Variants in LYPD6 observed in about 807,000 individuals in gnomAD.
LYPD6 encodes the protein LY6/PLAUR domain containing 6.
Under a neutral mutation model 22.7 loss-of-function variants are expected in LYPD6, and 15 were observed. The ratio of observed to expected loss-of-function variants is 0.66; its 90% CI spans 0.44 to 1.02. The LOEUF is 1.02. Among genes scored for constraint, LYPD6 ranks in the 50% least tolerant of loss-of-function variants. The probability of loss-of-function intolerance (pLI) is 0.00; values close to 1 mark genes in which losing one functional copy is unlikely to be tolerated. For missense variants in LYPD6, 189 were observed against 208.4 expected (o/e 0.91, Z 0.57); for synonymous variants, 72 against 77.5 (o/e 0.93, Z 0.37).
rs376602030 is a variant in LYPD6, at chr2:149,434,378, A to G, written c.-71-3260A>G. 8.5e-5 allele frequency among the ~76,000 whole-genome samples: 13 copies of G among 152,316 alleles called. 1 individual carries two copies. The South Asian group carries it at 2.5e-3, about 29-fold the overall frequency. Reference sequence around the variant, plus strand: ...AATCCTCATCGATTTAAACTTTGCCATGAGTTTGCTTTACTGTGTACTTTA... The same window carrying G: ...AATCCTCATCGATTTAAACTTTGCCGTGAGTTTGCTTTACTGTGTACTTTA... On this transcript the variant is annotated intron_variant, in intron 1 of 4. Coordinates refer to ENST00000334166, the MANE Select transcript of LYPD6 (RefSeq NM_194317.5).
chr2:149,354,116 G>A (rs1681408410), intron 1 of LYPD6, among the ~76,000 whole-genome samples: 1 of 152,164 alleles, frequency 6.6e-6, no homozygotes, highest in African/African-American at 2.4e-5. Context: ...GGTTGTACTG[G>A]TGGATAAGGC....
chr2:149,339,782 G>A (rs974084276), intron 1 of LYPD6, among the ~76,000 whole-genome samples: 1 of 152,162 alleles, frequency 6.6e-6, no homozygotes, highest in Non-Finnish European at 1.5e-5. Flanking sequence ...CTCTGGACAA[G>A]AGGATGCAAA....
At chr2:149,464,036 T>A in intron 3 of LYPD6, 1 of 380,826 alleles carries the variant, frequency 2.6e-6, no homozygotes. Context: ...AGGTAAAAGG[T>A]GTAGAGGATC....
intron 1 of LYPD6, among the ~76,000 whole-genome samples, chr2:149,401,537 A>G (rs1226565799): frequency 1.3e-5 from 2 of 151,896 alleles, no homozygotes; most frequent in African/African-American, 2.4e-5. Context: ...CATTGATGGT[A>G]CTCTGTATCC....
chr2:149,384,356 A>C (rs1682132418), intron 1 of LYPD6, among the ~76,000 whole-genome samples: 1 of 152,236 alleles, frequency 6.6e-6, no homozygotes, highest in African/African-American at 2.4e-5. Context: ...TAGAAAACTC[A>C]AATGACATCT....
At chr2:149,467,194 C>T (rs1438671713) in intron 3 of LYPD6, among the ~76,000 whole-genome samples, 1 of 152,204 alleles carries the variant, frequency 6.6e-6, no homozygotes, top group Non-Finnish European at 1.5e-5. Context: ...TGACCTTACC[C>T]TACTCCCAAA....
At chr2:149,365,677 C>T (rs1434585659) in intron 1 of LYPD6, among the ~76,000 whole-genome samples, 1 of 151,804 alleles carries the variant, frequency 6.6e-6, no homozygotes, top group Admixed American at 6.6e-5. Context: ...TTACATTCTT[C>T]CTAATGAGAA....
intron 1 of LYPD6, among the ~76,000 whole-genome samples, chr2:149,381,270 G>T (rs183977336): frequency 2.0e-4 from 31 of 152,310 alleles, no homozygotes; most frequent in African/African-American, 6.7e-4. Context: ...CTTTAGAGGG[G>T]TGAAACAACA....
Position 149,471,016 on chromosome 2 carries a change from A to AGT in LYPD6, c.*166_*167insGT. 1.7e-6 allele frequency: 1 copy of AGT among 584,492 alleles called. No individual in the cohort carries two copies. 36.2% of individuals were successfully genotyped at this position (584,492 alleles called of 1,614,324 possible). A position where few individuals can be genotyped will look rare whatever the true frequency, so the allele number is the denominator to read the frequency against. On this transcript the variant is annotated 3_prime_UTR_variant, in exon 5 of 5. Coordinates refer to ENST00000334166, the MANE Select transcript of LYPD6 (RefSeq NM_194317.5). The stretch of plus-strand genomic sequence containing the variant: ...TACCATGAGGAATAAATGTTGCTTC[A>AGT]TTGTAGCCATTTTGAGTCTAACCGA...
intron 1 of LYPD6, among the ~76,000 whole-genome samples, chr2:149,335,098 A>C (rs1034773949): frequency 2.6e-5 from 4 of 152,184 alleles, no homozygotes; most frequent in Admixed American, 6.5e-5. Context: ...ATTTACTGTT[A>C]ATGCAATTTA....
At chr2:149,464,310 G>T in intron 3 of LYPD6, 1 of 304,290 alleles carries the variant, frequency 3.3e-6, no homozygotes, top group Non-Finnish European at 6.7e-6. Context: ...TTTGGATTGA[G>T]CCTTGAAGAA....
Position 149,404,733 on chromosome 2 carries a change from C to T in LYPD6, c.-71-32905C>T, listed in dbSNP as rs1272848601. On this transcript the variant is annotated intron_variant, in intron 1 of 4. Transcript: ENST00000334166. ...ATTTGAATACCCTTTATTTCCTTCT[C>T]CTGCCTAATTTCCCTGGCCAGAACT... Among the ~76,000 whole-genome samples the T allele has an allele frequency of 2.6e-5, 4 of 152,158 alleles. No individual in the cohort carries two copies. The East Asian group carries it at 7.7e-4, about 29-fold the overall frequency.
At chr2:149,341,499 G>A (rs1273901148) in intron 1 of LYPD6, among the ~76,000 whole-genome samples, 1 of 152,096 alleles carries the variant, frequency 6.6e-6, no homozygotes, top group Non-Finnish European at 1.5e-5. Flanking sequence ...GTTTTGCATA[G>A]AGTAAGCCCT....
At chr2:149,362,748 G>A (rs1366662203) in intron 1 of LYPD6, among the ~76,000 whole-genome samples, 2 of 152,006 alleles carry the variant, frequency 1.3e-5, no homozygotes, top group Non-Finnish European at 2.9e-5. Flanking sequence ...ATTTTCTTAG[G>A]AACGTACTCT....
chr2:149,465,592 A>T (rs1681182312), intron 3 of LYPD6, among the ~76,000 whole-genome samples: 1 of 152,222 alleles, frequency 6.6e-6, no homozygotes, highest in East Asian at 1.9e-4. Flanking sequence ...CTTTTATAAG[A>T]AAGTTGGACA....
rs1214998360 is a variant in LYPD6, at chr2:149,455,065, T to A, written c.217+5918T>A. 2.0e-5 allele frequency among the ~76,000 whole-genome samples: 3 copies of A among 152,242 alleles called. No homozygotes were observed. The East Asian group carries it at 5.8e-4, about 29-fold the overall frequency. The stretch of plus-strand genomic sequence containing the variant: ...ACAGGTATAGAATGTCAGGCACCAC[T>A]CAGGGGGCTTGTCTTTTCTCTGGTA... On this transcript the variant is annotated intron_variant, in intron 3 of 4. Coordinates refer to ENST00000334166, the MANE Select transcript of LYPD6 (RefSeq NM_194317.5).
intron 1 of LYPD6, among the ~76,000 whole-genome samples, chr2:149,411,316 T>A (rs184260651): frequency 6.6e-6 from 1 of 152,110 alleles, no homozygotes; most frequent in Non-Finnish European, 1.5e-5. Context: ...TTTTTTTTTT[T>A]ATAAACAGGT....
intron 1 of LYPD6, among the ~76,000 whole-genome samples, chr2:149,334,824 G>T (rs1005551122): frequency 3.3e-5 from 5 of 151,108 alleles, no homozygotes; most frequent in African/African-American, 1.2e-4. Context: ...ATACAGTCAT[G>T]CACCTCATAA....
At chr2:149,467,659 A>G (rs1049299632) in intron 3 of LYPD6, among the ~76,000 whole-genome samples, 7 of 152,314 alleles carry the variant, frequency 4.6e-5, no homozygotes, top group Middle Eastern at 3.4e-3. Flanking sequence ...AATATCTGAA[A>G]TGTATAAAGC....
Sources: allele counts gnomAD v4.1 joint callset (sites outside exome capture counted in the v4.1 genomes callset), GRCh38; gene constraint gnomAD v4.1.1; transcripts MANE v1.5; gene names NCBI Gene and HGNC (gene_info 2026-07-23, HGNC 2026-07-21).